The following ARFGEF3 variants were observed in gnomAD, a reference collection of about 807,000 sequenced individuals.
ARFGEF3 encodes ARFGEF family member 3.
A neutral mutation model predicts 221.7 loss-of-function variants in ARFGEF3; 96 were observed. That is an observed-to-expected ratio of 0.43 (90% CI 0.37 to 0.51). ARFGEF3 has a LOEUF of 0.51. Ranked by LOEUF, ARFGEF3 falls within the 20% of genes least tolerant of loss-of-function variation. The probability of loss-of-function intolerance (pLI) is 0.00; values close to 1 mark genes in which losing one functional copy is unlikely to be tolerated. For synonymous variants in ARFGEF3, 1,145 were observed against 1,126.8 expected (o/e 1.02, Z -0.32); for missense variants, 2,410 against 2,789.9 (o/e 0.86, Z 3.07).
intron 2 of ARFGEF3, among the ~76,000 whole-genome samples, chr6:138,178,137 G>A (rs945019460): frequency 2.3e-4 from 35 of 152,138 alleles, no homozygotes; most frequent in Admixed American, 1.5e-3. Flanking sequence ...TTTTTCTCTC[G>A]AAGATGTGAC....
intron 2 of ARFGEF3, among the ~76,000 whole-genome samples, chr6:138,196,471 C>T (rs1048045533): frequency 6.6e-6 from 1 of 152,058 alleles, no homozygotes; most frequent in Non-Finnish European, 1.5e-5. Flanking sequence ...AAATGAAATA[C>T]GGAAGATAAA....
At chr6:138,276,523 A>G (rs943319569) in intron 12 of ARFGEF3, among the ~76,000 whole-genome samples, 2 of 152,164 alleles carry the variant, frequency 1.3e-5, no homozygotes, top group Non-Finnish European at 2.9e-5. Flanking sequence ...TAGTGGGGAG[A>G]AAGTCAATAG....
intron 32 of ARFGEF3, among the ~76,000 whole-genome samples, chr6:138,332,066 T>A (rs141199542): frequency 6.8e-4 from 104 of 152,288 alleles, no homozygotes; most frequent in Admixed American, 3.4e-3. Flanking sequence ...GGCCTGACTT[T>A]AGGTGTTGGC....
At chr6:138,170,548 C>G in intron 1 of ARFGEF3, 114 bp from the exon 2 acceptor site, 2 of 625,450 alleles carry the variant, frequency 3.2e-6, no homozygotes, top group Non-Finnish European at 5.6e-6. Flanking sequence ...TGAGAATTGA[C>G]TAGTTTATAA....
chr6:138,285,866 A>G, intron 14 of ARFGEF3, 80 bp from the exon 15 acceptor site: 2 of 785,492 alleles, frequency 2.5e-6, no homozygotes, highest in Non-Finnish European at 4.4e-6. Flanking sequence ...TTTGTTAAAA[A>G]TGAATATTGT....
chr6:138,197,218 A>G (rs1194887357), intron 2 of ARFGEF3, among the ~76,000 whole-genome samples: 1 of 152,208 alleles, frequency 6.6e-6, no homozygotes, highest in Non-Finnish European at 1.5e-5. Context: ...CAGGGTCAGG[A>G]TCATCAATGT....
intron 12 of ARFGEF3, among the ~76,000 whole-genome samples, chr6:138,272,456 C>A (rs1779021529): frequency 6.6e-6 from 1 of 151,940 alleles, no homozygotes. Flanking sequence ...TGCACCTGGC[C>A]TATATAGCCA....
intron 2 of ARFGEF3, 41 bp from the exon 3 acceptor site, chr6:138,207,001 T>G: frequency 2.6e-6 from 4 of 1,537,094 alleles, no homozygotes; most frequent in South Asian, 1.2e-5. Flanking sequence ...ACTGCCAGCT[T>G]TACTGAGCTC....
intron 2 of ARFGEF3, 29 bp from the exon 3 acceptor site, chr6:138,207,013 C>T (rs770915499): frequency 6.3e-7 from 1 of 1,576,792 alleles, no homozygotes; most frequent in East Asian, 2.3e-5. Flanking sequence ...ACTGAGCTCA[C>T]ATGTTGTCCT....
In ARFGEF3 at chr6:138,162,305, A is replaced by C; in HGVS notation, c.85+134A>C. On this transcript the variant is annotated intron_variant, in intron 1 of 33. Coordinates refer to ENST00000251691, the MANE Select transcript of ARFGEF3 (RefSeq NM_020340.5). This position sits in a 1 kb window ranked among gnomAD's most constrained non-coding sequence, Gnocchi z 4.7. The stretch of plus-strand genomic sequence containing the variant: ...TGGCGATTGCGAGAGTCGCCTCGGG[A>C]AATTGATGTGGGATTTGAGAGTCTT... The C allele has an allele frequency of 5.3e-6, 3 of 567,890 alleles. No homozygotes were observed. The highest frequency in any genetic ancestry group is 9.1e-6 in the Non-Finnish European group (3 of 331,396). The allele number at this position is 567,890 out of a possible 1,614,324, so 35.2% of individuals were successfully genotyped here.
intron 32 of ARFGEF3, among the ~76,000 whole-genome samples, chr6:138,332,375 T>C (rs1780243161): frequency 1.5e-5 from 2 of 137,830 alleles, no homozygotes; most frequent in Middle Eastern, 3.6e-3. Context: ...AATGCTACTC[T>C]CACCATTTTC....
At chr6:138,316,162 A>G (rs1415895219) in intron 26 of ARFGEF3, among the ~76,000 whole-genome samples, 2 of 152,002 alleles carry the variant, frequency 1.3e-5, no homozygotes, top group Non-Finnish European at 2.9e-5. Context: ...TAGGAACCCC[A>G]TCTTCTAAGG....
intron 2 of ARFGEF3, among the ~76,000 whole-genome samples, chr6:138,177,340 G>A (rs1776974467): frequency 6.6e-6 from 1 of 152,020 alleles, no homozygotes; most frequent in Admixed American, 6.6e-5. Flanking sequence ...GCTGGTCTCA[G>A]ACTCCTTGAC....
chr6:138,332,948 C>G (rs1583071904), intron 32 of ARFGEF3, among the ~76,000 whole-genome samples: 1 of 152,272 alleles, frequency 6.6e-6, no homozygotes, highest in East Asian at 1.9e-4. Context: ...TAGAAAAGCA[C>G]TTTTTCCTAC....
At chr6:138,281,330 T>C (rs1455753865) in intron 14 of ARFGEF3, among the ~76,000 whole-genome samples, 1 of 152,210 alleles carries the variant, frequency 6.6e-6, no homozygotes, top group Non-Finnish European at 1.5e-5. Context: ...ATTTCAACTA[T>C]TACTTTAGAC....
chr6:138,208,367 C>T (rs1292004100), intron 3 of ARFGEF3, among the ~76,000 whole-genome samples: 1 of 150,494 alleles, frequency 6.6e-6, no homozygotes, highest in Non-Finnish European at 1.5e-5. Flanking sequence ...CCTGAGTATA[C>T]CACATGATTC....
chr6:138,317,247 C>A lies in ARFGEF3; in HGVS notation c.4346-4C>A. ...TTCATACAGGTCTGCTTTTTGGTTT[C>A]CAGGTCTGATAGAAGTCTGGATAAT... On this transcript the variant is annotated splice_region_variant and splice_polypyrimidine_tract_variant and intron_variant, in intron 26 of 33. Transcript: ENST00000251691. 2 of 1,610,360 alleles carry A rather than the reference C, an allele frequency of 1.2e-6. No homozygotes were observed. Among genetic ancestry groups the A allele is most frequent in the Non-Finnish European group, 1.7e-6 (2 of 1,178,942 alleles).
rs373595118 is a variant in ARFGEF3 at position 138,319,684 on chromosome 6, G to A, written c.4475-19G>A. ...CCCTTTTATTACAGGTTGTTGCTAC[G>A]CTGACTTTTCTTTTTCAGGACCAGG... On this transcript the variant is annotated intron_variant, in intron 27 of 33. Transcript: ENST00000251691. 5.7e-5 allele frequency: 90 copies of A among 1,573,148 alleles called. 2 individuals carry two copies. Among genetic ancestry groups the A allele is most frequent in the South Asian group, 3.3e-4 (28 of 85,242 alleles).
chr6:138,175,171 A>G, intron 2 of ARFGEF3, among the ~76,000 whole-genome samples: 1 of 152,240 alleles, frequency 6.6e-6, no homozygotes, highest in South Asian at 2.1e-4. Flanking sequence ...GGTAGGAATT[A>G]ATGCAGAGCC....
Sources: gnomAD v4.1 joint callset for allele counts (sites outside exome capture counted in the v4.1 genomes callset) on GRCh38, gnomAD v4.1.1 for gene constraint, Gnocchi (gnomAD v3.1) non-coding constraint, MANE v1.5 for transcripts, NCBI Gene and HGNC (gene_info 2026-07-23, HGNC 2026-07-21) for gene names.